The following SYCE3 variants were observed in gnomAD, a reference collection of about 807,000 sequenced individuals.
SYCE3 encodes synaptonemal complex central element protein 3.
In SYCE3, 3 loss-of-function variants were observed where a neutral mutation model predicts 8.1. The observed-to-expected ratio is 0.37, with a 90% confidence interval of 0.17 to 0.96. The LOEUF (loss-of-function observed/expected upper bound fraction) is 0.96. SYCE3 is among the 40% of genes least tolerant of loss of function. The pLI, the probability that SYCE3 is intolerant of heterozygous loss-of-function variation, is 0.41. For synonymous variants in SYCE3, 36 were observed against 38.7 expected (o/e 0.93, Z 0.26); for missense variants, 83 against 110.0 (o/e 0.75, Z 1.10).
chr22:50,553,561 G>A (rs1011269130), intron 2 of SYCE3, among the ~76,000 whole-genome samples: 1 of 152,002 alleles, frequency 6.6e-6, no homozygotes, highest in African/African-American at 2.4e-5. Context: ...CTGCTAAAAC[G>A]ATACAAACAC....
chr22:50,553,249 G>A (rs1226020263), intron 2 of SYCE3, among the ~76,000 whole-genome samples: 1 of 149,652 alleles, frequency 6.7e-6, no homozygotes, highest in Non-Finnish European at 1.5e-5. Flanking sequence ...GGGATTACAG[G>A]CCACTGCGCC....
chr22:50,556,265 G>C (rs1211451566), intron 2 of SYCE3, 32 bp downstream of exon 2: 17 of 1,454,716 alleles, frequency 1.2e-5, no homozygotes, highest in Non-Finnish European at 1.6e-5. Context: ...ATTGAGACCT[G>C]TCTCAGATAC....
chr22:50,560,104 A>G (rs552910168), intron 1 of SYCE3, among the ~76,000 whole-genome samples: 11 of 152,238 alleles, frequency 7.2e-5, no homozygotes, highest in African/African-American at 2.4e-4. Flanking sequence ...CTTCAAAGAG[A>G]AGCAGAGAAA....
At chr22:50,554,218 C>T (rs954741970) in intron 2 of SYCE3, among the ~76,000 whole-genome samples, 1 of 150,354 alleles carries the variant, frequency 6.7e-6, no homozygotes, top group African/African-American at 2.5e-5. Flanking sequence ...AAGCAATACG[C>T]AGCGTAGGTC....
intron 1 of SYCE3, among the ~76,000 whole-genome samples, chr22:50,559,127 T>C (rs2069889058): frequency 6.6e-6 from 1 of 151,078 alleles, no homozygotes; most frequent in South Asian, 2.1e-4. Flanking sequence ...CACTACACAC[T>C]CTTTTTTTTT....
chr22:50,551,425 G>T, intron 2 of SYCE3, 23 bp from the exon 3 acceptor site: 2 of 1,540,820 alleles, frequency 1.3e-6, no homozygotes, highest in Non-Finnish European at 8.8e-7. Flanking sequence ...GACAGGACTG[G>T]TCAGGCCACA....
chr22:50,552,443 G>C (rs1278733438), intron 2 of SYCE3, among the ~76,000 whole-genome samples: 1 of 152,012 alleles, frequency 6.6e-6, no homozygotes, highest in Non-Finnish European at 1.5e-5. Flanking sequence ...ACGAGATCAA[G>C]AGATTGAGAC....
intron 1 of SYCE3, 64 bp from the exon 2 acceptor site, chr22:50,556,469 G>T (rs1010029696): frequency 1.8e-6 from 2 of 1,134,662 alleles, no homozygotes; most frequent in East Asian, 2.6e-5. Flanking sequence ...AGCTCCACTG[G>T]TTATAACTCA....
Sources: allele counts gnomAD v4.1 joint callset (sites outside exome capture counted in the v4.1 genomes callset), GRCh38; gene constraint gnomAD v4.1.1; transcripts MANE v1.5; gene names NCBI Gene and HGNC (gene_info 2026-07-23, HGNC 2026-07-21).